The following RTCB variants were observed in gnomAD, a reference collection of about 807,000 sequenced individuals.
The protein encoded by RTCB is RNA-splicing ligase RTCB.
RTCB carries 32 observed loss-of-function variants against 58.2 expected under a neutral mutation model. The ratio of observed to expected loss-of-function variants is 0.55; its 90% CI spans 0.41 to 0.74. RTCB has a LOEUF of 0.74. Ranked by LOEUF, RTCB falls within the 30% of genes least tolerant of loss-of-function variation. RTCB has a pLI of 0.00. For missense variants in RTCB, 523 were observed against 639.0 expected, an observed-to-expected ratio of 0.82 and a Z score of 1.96; for synonymous variants, 247 against 218.6, an observed-to-expected ratio of 1.13 and a Z score of -1.15.
intron 4 of RTCB, among the ~76,000 whole-genome samples, chr22:32,404,272 C>T (rs921905263): frequency 1.3e-5 from 2 of 152,224 alleles, no homozygotes; most frequent in African/African-American, 4.8e-5. Flanking sequence ...TTTACACTCC[C>T]TCCAATAGCA....
intron 6 of RTCB, 22 bp downstream of exon 6, chr22:32,399,581 T>G: frequency 6.3e-7 from 1 of 1,579,328 alleles, no homozygotes; most frequent in Non-Finnish European, 8.6e-7. Flanking sequence ...AATTAACATG[T>G]TGCCCCTCCA....
intron 11 of RTCB, among the ~76,000 whole-genome samples, chr22:32,390,535 G>A (rs531088593): frequency 7.9e-5 from 12 of 151,234 alleles, no homozygotes; most frequent in South Asian, 2.1e-4. Flanking sequence ...TGCAAGCTCC[G>A]CCTCCCGCGT....
intron 7 of RTCB, among the ~76,000 whole-genome samples, chr22:32,397,282 G>A (rs2294311): frequency 0.21 from 32,339 of 151,966 alleles, 3,730 homozygotes; most frequent in East Asian, 0.45. Context: ...CCAATATTTC[G>A]CTGCTTCCTG....
rs763412754 is a variant in RTCB at position 32,412,199 on chromosome 22, G to A, written c.-43C>T. ...CAAAAACTCCCGGCTCCGCTTTGAAGAGCCGCTGCCGCGTAGTCCGGCTTC... is the reference window on the plus strand; with the variant it reads ...CAAAAACTCCCGGCTCCGCTTTGAAAAGCCGCTGCCGCGTAGTCCGGCTTC... On this transcript the variant is annotated 5_prime_UTR_variant, in exon 1 of 12. Transcript: ENST00000216038. 3.3e-6 allele frequency: 5 copies of A among 1,500,492 alleles called. No homozygotes were observed. Among genetic ancestry groups the A allele is most frequent in the Middle Eastern group, 1.8e-4 (1 of 5,676 alleles). The allele number at this position is 1,500,492 out of a possible 1,614,324, so 92.9% of individuals were successfully genotyped here.
chr22:32,401,717 A>G (rs759252324), intron 5 of RTCB, 30 bp downstream of exon 5: 14 of 1,610,684 alleles, frequency 8.7e-6, no homozygotes, highest in Non-Finnish European at 1.2e-5. Flanking sequence ...TATCCCTCCC[A>G]TACCATGTAC....
chr22:32,392,504 T>C (rs1243149284), intron 10 of RTCB, 145 bp from the exon 11 acceptor site: 2 of 1,052,146 alleles, frequency 1.9e-6, no homozygotes, highest in South Asian at 1.4e-5. Flanking sequence ...CCTCATCATA[T>C]CCTTTTAGAT....
intron 4 of RTCB, among the ~76,000 whole-genome samples, chr22:32,404,868 T>A (rs545026704): frequency 6.6e-6 from 1 of 151,038 alleles, no homozygotes; most frequent in Non-Finnish European, 1.5e-5. Flanking sequence ...TTTTTTTTTT[T>A]AGAGACGGGG....
At chr22:32,391,020 T>G (rs1000548359) in intron 11 of RTCB, among the ~76,000 whole-genome samples, 4 of 152,166 alleles carry the variant, frequency 2.6e-5, no homozygotes, top group Admixed American at 2.6e-4. Context: ...CAAACTAATC[T>G]TGAACTCCTG....
intron 5 of RTCB, among the ~76,000 whole-genome samples, chr22:32,400,492 C>G (rs1462961026): frequency 6.6e-6 from 1 of 152,172 alleles, no homozygotes; most frequent in East Asian, 1.9e-4. Context: ...TTTTACTGCT[C>G]CTTGCAGAGC....
intron 1 of RTCB, 127 bp downstream of exon 1, chr22:32,411,937 G>T (rs537730034): frequency 1.2e-3 from 778 of 675,298 alleles, no homozygotes; most frequent in Middle Eastern, 5.9e-3. Flanking sequence ...AGAAGGACGG[G>T]ATGAGGGAAA....
intron 1 of RTCB, 106 bp from the exon 2 acceptor site, chr22:32,408,939 C>G: frequency 2.5e-6 from 2 of 787,276 alleles, no homozygotes; most frequent in Non-Finnish European, 4.3e-6. Flanking sequence ...TACTCTTTAC[C>G]AAACACTTTC....
chr22:32,394,502 G>A (rs751556012), intron 9 of RTCB, among the ~76,000 whole-genome samples: 3 of 152,140 alleles, frequency 2.0e-5, no homozygotes, highest in Non-Finnish European at 4.4e-5. Flanking sequence ...GGAAGAGGAC[G>A]AGAGTGAAAA....
chr22:32,397,789 C>T (rs1368782629), intron 7 of RTCB, 152 bp downstream of exon 7: 2 of 612,828 alleles, frequency 3.3e-6, no homozygotes, highest in African/African-American at 1.9e-5. Flanking sequence ...TTTTTTTAGA[C>T]AAGAAAGTTA....
rs763642456 is a variant in RTCB, at chr22:32,388,202, C to G, written c.1411-103G>C. 13 of 682,848 alleles carry G rather than the reference C, an allele frequency of 1.9e-5. No homozygotes were observed. In the East Asian group the frequency reaches 2.0e-4, roughly 10 times the overall value. The allele number at this position is 682,848 out of a possible 1,614,324, so 42.3% of individuals were successfully genotyped here. On this transcript the variant is annotated intron_variant, in intron 11 of 11. Transcript: ENST00000216038. ...GAAATAAATGCACACTAAAATAATA[C>G]AGAGAGTTTTTTTTTGCCTATGAAA...
chr22:32,401,437 A>G, intron 5 of RTCB: 1 of 202,154 alleles, frequency 4.9e-6, no homozygotes, highest in Non-Finnish European at 9.9e-6. Flanking sequence ...AAGTTAGGGA[A>G]GATAATAGGG....
chr22:32,396,365 A>G, intron 7 of RTCB, 116 bp from the exon 8 acceptor site: 1 of 1,042,328 alleles, frequency 9.6e-7, no homozygotes, highest in Non-Finnish European at 1.4e-6. Flanking sequence ...ACCCAATGAA[A>G]GCCAACTTTC....
At chr22:32,408,632 T>TAA in intron 2 of RTCB, 123 bp downstream of exon 2, 1 of 732,166 alleles carries the variant, frequency 1.4e-6, no homozygotes, top group Non-Finnish European at 2.4e-6. Flanking sequence ...CTTTTGGTCT[T>TAA]ACTTTTAAGT....
chr22:32,411,796 T>G (rs538237508), intron 1 of RTCB, among the ~76,000 whole-genome samples: 10 of 152,328 alleles, frequency 6.6e-5, no homozygotes, highest in Admixed American at 2.0e-4. Context: ...TGAAAACGCT[T>G]TGGAAACCCC....
intron 5 of RTCB, among the ~76,000 whole-genome samples, chr22:32,400,657 C>T (rs73881689): frequency 0.033 from 5,005 of 152,260 alleles, 252 homozygotes; most frequent in African/African-American, 0.11. Flanking sequence ...TGTGAAATCA[C>T]AGACCACGCA....
Sources: allele counts gnomAD v4.1 joint callset (sites outside exome capture counted in the v4.1 genomes callset), GRCh38; gene constraint gnomAD v4.1.1; transcripts MANE v1.5; gene names NCBI Gene and HGNC (gene_info 2026-07-23, HGNC 2026-07-21).